The following GAD1 variants were observed in gnomAD, a reference collection of about 807,000 sequenced individuals.
GAD1 encodes glutamate decarboxylase 1.
In GAD1, 35 loss-of-function variants were observed where a neutral mutation model predicts 75.2. The ratio of observed to expected loss-of-function variants is 0.47; its 90% CI spans 0.36 to 0.62. GAD1 has a LOEUF of 0.62. GAD1 is among the 20% of genes least tolerant of loss of function. GAD1 has a pLI of 0.00. For missense variants in GAD1, 490 were observed against 758.5 expected (o/e 0.65, Z 4.16); for synonymous variants, 257 against 271.9 (o/e 0.95, Z 0.54).
intron 5 of GAD1, among the ~76,000 whole-genome samples, chr2:170,835,613 CTCTG>C (rs1321495734): frequency 5.9e-5 from 9 of 152,308 alleles, no homozygotes; most frequent in East Asian, 3.9e-4. Context: ...GTGTTAATCT[CTCTG>C]TCTTTGTCCA....
intron 5 of GAD1, 81 bp downstream of exon 5, chr2:170,831,273 TGTGTTGGAAGAAAAACACAGCCCTG>T (rs1327229327): frequency 6.7e-7 from 1 of 1,495,412 alleles, no homozygotes; most frequent in African/African-American, 1.4e-5. Context: ...ATATCAAACT[TGTGTTGGAAGAAAAACACAGCCCTG>T]GTGAGATAAG....
At chr2:170,821,695 C>G (rs45506097) in intron 2 of GAD1, 203 of 242,694 alleles carry the variant, frequency 8.4e-4, no homozygotes, top group Non-Finnish European at 1.1e-3. Flanking sequence ...CTGTGGTCGC[C>G]CTTTGAGTCT....
At chr2:170,840,601 CAGAA>C (rs1702488180) in intron 6 of GAD1, among the ~76,000 whole-genome samples, 1 of 120,994 alleles carries the variant, frequency 8.3e-6, no homozygotes, top group Non-Finnish European at 1.6e-5. Context: ...TTCCAGAACT[CAGAA>C]AGGAAGGGAG....
chr2:170,858,671 A>G (rs1159290748), intron 15 of GAD1, 133 bp from the exon 16 acceptor site: 2 of 771,398 alleles, frequency 2.6e-6, no homozygotes, highest in Non-Finnish European at 4.5e-6. Context: ...TGGAAGTAAC[A>G]TTGCCTTTGA....
At chr2:170,849,661 C>T (rs1702708802) in intron 12 of GAD1, among the ~76,000 whole-genome samples, 1 of 152,196 alleles carries the variant, frequency 6.6e-6, no homozygotes, top group Non-Finnish European at 1.5e-5. Flanking sequence ...CCAGCCTGGG[C>T]AACACAGTGA....
At chr2:170,822,203 T>C in intron 3 of GAD1, 54 bp downstream of exon 3, 3 of 1,465,272 alleles carry the variant, frequency 2.0e-6, no homozygotes, top group Non-Finnish European at 2.8e-6. Flanking sequence ...GGCGGACCTT[T>C]GGGGCTTGGG....
chr2:170,829,416 T>A, intron 3 of GAD1, 59 bp from the exon 4 acceptor site: 2 of 1,584,326 alleles, frequency 1.3e-6, no homozygotes, highest in Non-Finnish European at 1.7e-6. Context: ...ACTCTGCAGC[T>A]GACCCTCAGG....
intron 6 of GAD1, among the ~76,000 whole-genome samples, chr2:170,839,389 T>C (rs533205749): frequency 6.6e-6 from 1 of 152,130 alleles, no homozygotes; most frequent in East Asian, 1.9e-4. Flanking sequence ...CCAAGGTGGA[T>C]GGGTCACCTA....
chr2:170,857,241 A>G (rs1702871797), intron 15 of GAD1, 116 bp downstream of exon 15: 2 of 754,612 alleles, frequency 2.7e-6, no homozygotes, highest in Admixed American at 4.8e-5. Flanking sequence ...AACTGCTTCA[A>G]AATTTTTATT....
chr2:170,853,844 A>G lies in GAD1; in HGVS notation c.1264-29A>G, dbSNP rs755051887. 1.2e-6 allele frequency: 2 copies of G among 1,613,222 alleles called. No individual in the cohort carries two copies. Reference sequence around the variant, plus strand: ...ACCCACATCTCTGATGTGTAAATGCAGATGCACCCATCTTAATTTCCATGA... The same window carrying G: ...ACCCACATCTCTGATGTGTAAATGCGGATGCACCCATCTTAATTTCCATGA... On this transcript the variant is annotated intron_variant, in intron 13 of 16. Transcript: ENST00000358196. This position sits in a 1 kb window ranked among gnomAD's most constrained non-coding sequence, Gnocchi z 4.1.
chr2:170,840,026 T>C (rs984957015), intron 6 of GAD1, among the ~76,000 whole-genome samples: 2 of 152,188 alleles, frequency 1.3e-5, no homozygotes, highest in Non-Finnish European at 2.9e-5. Flanking sequence ...TTCTCGTTTG[T>C]CATGGAAAAG....
upstream of GAD1, among the ~76,000 whole-genome samples, chr2:170,813,705 C>T (rs1428531707): frequency 6.6e-6 from 1 of 152,214 alleles, no homozygotes; most frequent in Non-Finnish European, 1.5e-5. Flanking sequence ...GGCTTGGCCC[C>T]AAATCCGGTT....
chr2:170,846,341 C>T (rs1702633062), intron 10 of GAD1, among the ~76,000 whole-genome samples: 1 of 152,086 alleles, frequency 6.6e-6, no homozygotes, highest in South Asian at 2.1e-4. Flanking sequence ...AAATCAAATC[C>T]CTGAGCATCA....
chr2:170,838,815 C>CA (rs1237218651), intron 6 of GAD1, among the ~76,000 whole-genome samples: 1 of 152,212 alleles, frequency 6.6e-6, no homozygotes, highest in Non-Finnish European at 1.5e-5. Flanking sequence ...CATCTGAGGT[C>CA]AAGGCCAATC....
rs1559272588 is a variant in GAD1, at chr2:170,828,732, A to ACCCTCCTCCCTCTGCTGTCCTCG, written c.146-735_146-713dup. Reference sequence around the variant, plus strand: ...ACACCCTTCTCCCTCTGCTGTCCTCACCCTCCTCCCTCTGCTGTCCTCGCC... The same window carrying ACCCTCCTCCCTCTGCTGTCCTCG: ...ACACCCTTCTCCCTCTGCTGTCCTCACCCTCCTCCCTCTGCTGTCCTCGCCCTCCTCCCTCTGCTGTCCTCGCC... On this transcript the variant is annotated intron_variant, in intron 3 of 16. Transcript: ENST00000358196. Among the ~76,000 whole-genome samples, 147 of 66,770 alleles carry ACCCTCCTCCCTCTGCTGTCCTCG rather than the reference A, an allele frequency of 2.2e-3. 2 individuals carry two copies. The highest frequency in any genetic ancestry group is 8.4e-3 in the African/African-American group (138 of 16,358). The allele number at this position is 66,770 out of a possible 152,430, so 43.8% of individuals were successfully genotyped here.
chr2:170,853,026 T>C lies in GAD1; in HGVS notation c.1263+234T>C. 3.4e-6 allele frequency: 2 copies of C among 585,486 alleles called. No homozygotes were observed. Among genetic ancestry groups the C allele is most frequent in the Non-Finnish European group, 6.1e-6 (2 of 328,164 alleles). 36.3% of individuals were successfully genotyped at this position (585,486 alleles called of 1,614,324 possible). On this transcript the variant is annotated intron_variant, in intron 13 of 16. Transcript: ENST00000358196. The surrounding 1 kb of genome is among the most constrained non-coding windows in gnomAD (Gnocchi z 4.1). Reference sequence around the variant, plus strand: ...TCAGTACTCAGGGTCTGTCAGCAACTGAACCTTTAAGGAAATTATTTAATT... The same window carrying C: ...TCAGTACTCAGGGTCTGTCAGCAACCGAACCTTTAAGGAAATTATTTAATT...
chr2:170,814,242 C>G (rs1186416002), upstream of GAD1, among the ~76,000 whole-genome samples: 2 of 152,152 alleles, frequency 1.3e-5, no homozygotes, highest in Non-Finnish European at 2.9e-5. Context: ...CCCAACTAGG[C>G]AAAACAAACA....
chr2:170,816,787 C>G (rs957900073), upstream of GAD1: 2 of 153,454 alleles, frequency 1.3e-5, no homozygotes, highest in Admixed American at 1.3e-4. Flanking sequence ...TAGCTGCCCC[C>G]GCGAGCAACG....
chr2:170,823,448 G>C (rs1210975854), intron 3 of GAD1, among the ~76,000 whole-genome samples: 1 of 152,196 alleles, frequency 6.6e-6, no homozygotes, highest in Non-Finnish European at 1.5e-5. Context: ...CCTGGGACTC[G>C]GCGTTTAGGG....
Sources: gnomAD v4.1 joint callset for allele counts (sites outside exome capture counted in the v4.1 genomes callset) on GRCh38, gnomAD v4.1.1 for gene constraint, Gnocchi (gnomAD v3.1) non-coding constraint, MANE v1.5 for transcripts, NCBI Gene and HGNC (gene_info 2026-07-23, HGNC 2026-07-21) for gene names.